The following GATA3 variants were observed in gnomAD, a reference collection of about 807,000 sequenced individuals.
The protein encoded by GATA3 is GATA binding protein 3, also known as trans-acting T-cell-specific transcription factor GATA-3.
Under a neutral mutation model 36.0 loss-of-function variants are expected in GATA3, and 6 were observed. That is an observed-to-expected ratio of 0.17 (90% CI 0.09 to 0.33). The LOEUF (loss-of-function observed/expected upper bound fraction) is 0.33. Ranked by LOEUF, GATA3 falls within the 10% of genes least tolerant of loss-of-function variation. The pLI, the probability that GATA3 is intolerant of heterozygous loss-of-function variation, is 1.00. For missense variants in GATA3, 514 were observed against 610.1 expected, an observed-to-expected ratio of 0.84 and a Z score of 1.66; for synonymous variants, 326 against 273.0, an observed-to-expected ratio of 1.19 and a Z score of -1.92.
rs2131481694 is a variant in GATA3 at position 8,055,570 on chromosome 10, A to G, written c.-86A>G. 2 of 1,359,192 alleles carry G rather than the reference A, an allele frequency of 1.5e-6. No individual in the cohort carries two copies. The highest frequency in any genetic ancestry group is 2.6e-5 in the South Asian group (2 of 76,692). 84.2% of individuals were successfully genotyped at this position (1,359,192 alleles called of 1,614,324 possible). On this transcript the variant is annotated 5_prime_UTR_variant, in exon 2 of 6. Transcript: ENST00000379328. This position sits in a 1 kb window ranked among gnomAD's most constrained non-coding sequence, Gnocchi z 5.4. ...CGACCCCCGACCCTCCGACGGCAGG[A>G]GCCCCCCGACCTCCCAGGCGGACCG...
At chr10:8,047,769 G>T (rs1425622030) in intron 1 of GATA3, among the ~76,000 whole-genome samples, 1 of 152,180 alleles carries the variant, frequency 6.6e-6, no homozygotes, top group Non-Finnish European at 1.5e-5. Flanking sequence ...CTTAGGGTCC[G>T]CGAGGTGGAA....
chr10:8,048,318 G>A (rs909546469), intron 1 of GATA3, among the ~76,000 whole-genome samples: 2 of 152,200 alleles, frequency 1.3e-5, no homozygotes, highest in African/African-American at 2.4e-5. Flanking sequence ...TGAACACCGC[G>A]TGCACCCCAC....
chr10:8,062,876 A>T (rs968986481), intron 3 of GATA3, among the ~76,000 whole-genome samples: 6 of 152,112 alleles, frequency 3.9e-5, no homozygotes, highest in African/African-American at 1.4e-4. Flanking sequence ...TGGGTCCCCC[A>T]AAACCAAGGA....
intron 5 of GATA3, among the ~76,000 whole-genome samples, chr10:8,071,121 G>C (rs1286136404): frequency 6.6e-6 from 1 of 152,166 alleles, no homozygotes; most frequent in Non-Finnish European, 1.5e-5. Flanking sequence ...GATTACATTT[G>C]AGCCTGAGAT....
intron 1 of GATA3, among the ~76,000 whole-genome samples, chr10:8,046,877 C>A (rs1027920554): frequency 6.6e-6 from 1 of 152,026 alleles, no homozygotes; most frequent in Non-Finnish European, 1.5e-5. Flanking sequence ...CAGCTCCCAG[C>A]CAGCTGCCCC....
intron 3 of GATA3, among the ~76,000 whole-genome samples, chr10:8,060,386 C>T (rs1832727466): frequency 6.6e-6 from 1 of 152,060 alleles, no homozygotes; most frequent in Admixed American, 6.6e-5. Flanking sequence ...ACAAAGTGGC[C>T]ACGGTGCCTG....
upstream of GATA3, chr10:8,053,270 C>T (rs1436365857): frequency 6.6e-6 from 1 of 152,210 alleles, no homozygotes; most frequent in Non-Finnish European, 1.5e-5. The surrounding 1 kb of genome is among the most constrained non-coding windows in gnomAD (Gnocchi z 5.1). Flanking sequence ...AACAATGTCT[C>T]CAATTCAAAT....
upstream of GATA3, among the ~76,000 whole-genome samples, chr10:8,048,994 C>CT (rs1328636285): frequency 1.3e-5 from 2 of 151,632 alleles, no homozygotes; most frequent in South Asian, 4.1e-4. Context: ...CGCATCTCCT[C>CT]TTTTTTGACT....
upstream of GATA3, among the ~76,000 whole-genome samples, chr10:8,054,043 G>T (rs1345491754): frequency 1.3e-5 from 2 of 152,168 alleles, no homozygotes; most frequent in Non-Finnish European, 2.9e-5. The surrounding 1 kb of genome is among the most constrained non-coding windows in gnomAD (Gnocchi z 4.2). Context: ...CGGGAAAGAG[G>T]TGACAATGAC....
upstream of GATA3, chr10:8,053,921 A>T (rs181790822): frequency 6.6e-6 from 1 of 152,290 alleles, no homozygotes; most frequent in Non-Finnish European, 1.5e-5. The surrounding 1 kb of genome is among the most constrained non-coding windows in gnomAD (Gnocchi z 5.1). Context: ...CTCATCCCTC[A>T]CTGTTGCCAC....
At chr10:8,065,988 G>A (rs553731367) in intron 4 of GATA3, among the ~76,000 whole-genome samples, 1 of 143,786 alleles carries the variant, frequency 7.0e-6, no homozygotes, top group African/African-American at 2.5e-5. Context: ...AAAAGAGAGA[G>A]AGAGAGAGAG....
intron 2 of GATA3, among the ~76,000 whole-genome samples, chr10:8,056,200 G>A (rs1349375977): frequency 6.6e-6 from 1 of 150,680 alleles, no homozygotes; most frequent in African/African-American, 2.4e-5. Context: ...GTTTTGGGGT[G>A]GGGGGTCTCG....
Position 8,046,919 on chromosome 10 carries a change from G to T in GATA3, c.-370+1404G>T, listed in dbSNP as rs145717085. On this transcript the variant is annotated intron_variant, in intron 1 of 1. Transcript: ENST00000643001. ...CCTTAAGTCCCTGGCCCAAGAAGCC[G>T]CAGGGCTTAGAAAATGCGGAGCGGC... 4.7e-3 allele frequency among the ~76,000 whole-genome samples: 719 copies of T among 152,210 alleles called. 5 individuals carry two copies. The highest frequency in any genetic ancestry group is 7.7e-3 in the Non-Finnish European group (523 of 68,002).
At chr10:8,069,452 C>G (rs1832896519) in intron 4 of GATA3, 21 bp from the exon 5 acceptor site, 1 of 1,611,648 alleles carries the variant, frequency 6.2e-7, no homozygotes, top group South Asian at 1.1e-5. Flanking sequence ...ATTTCACCCT[C>G]TCCTCTCTCC....
In GATA3 at chr10:8,056,651, C is replaced by G. The variant is rs149509207; in HGVS notation, c.241+755C>G. Among the ~76,000 whole-genome samples, 592 of 152,242 alleles carry G rather than the reference C, an allele frequency of 3.9e-3. 8 individuals carry two copies. Among genetic ancestry groups the G allele is most frequent in the African/African-American group, 0.014 (565 of 41,522 alleles). On this transcript the variant is annotated intron_variant, in intron 2 of 5. Coordinates refer to ENST00000379328, the MANE Select transcript of GATA3 (RefSeq NM_001002295.2). ...TTTCAAGTCGCCTCCTTGCCTGCAA[C>G]TCTTGCCTTACTCTGTCTCTGGGTA... is the stretch of plus-strand genomic sequence containing the variant.
At position 8,073,725 on chromosome 10, in the gene GATA3, T is replaced by G; in HGVS notation, c.1051-14T>G. 3 of 1,581,876 alleles carry G rather than the reference T, an allele frequency of 1.9e-6. No individual in the cohort carries two copies. The highest frequency in any genetic ancestry group is 1.2e-5 in the South Asian group (1 of 85,072). Reference sequence around the variant, plus strand: ...AAAAGTAAAAAAAAAAAAAAAAAATTGATCTTTGTTTAGATTAACAGACCC... The same window carrying G: ...AAAAGTAAAAAAAAAAAAAAAAAATGGATCTTTGTTTAGATTAACAGACCC... On this transcript the variant is annotated splice_polypyrimidine_tract_variant and intron_variant, in intron 5 of 5. Transcript: ENST00000379328.
intron 4 of GATA3, among the ~76,000 whole-genome samples, chr10:8,065,827 C>A (rs1832829475): frequency 1.7e-5 from 2 of 119,896 alleles, no homozygotes; most frequent in African/African-American, 6.4e-5. Context: ...CCAACCTAAA[C>A]ACCAAGATGT....
intron 3 of GATA3, among the ~76,000 whole-genome samples, chr10:8,059,852 G>A (rs1832718674): frequency 6.6e-6 from 1 of 152,232 alleles, no homozygotes; most frequent in Admixed American, 6.5e-5. Context: ...TTATTAGACA[G>A]GGTTTGGTGA....
intron 4 of GATA3, among the ~76,000 whole-genome samples, chr10:8,066,781 T>G (rs976557898): frequency 7.9e-5 from 12 of 152,224 alleles, no homozygotes; most frequent in Admixed American, 1.3e-4. Context: ...CTGTACCTCC[T>G]GCTAGTGACC....
Sources: gnomAD v4.1 joint callset for allele counts (sites outside exome capture counted in the v4.1 genomes callset) on GRCh38, gnomAD v4.1.1 for gene constraint, Gnocchi (gnomAD v3.1) non-coding constraint, MANE v1.5 for transcripts, NCBI Gene and HGNC (gene_info 2026-07-23, HGNC 2026-07-21) for gene names.